Variants in FCRL5 observed in about 807,000 individuals in gnomAD.
FCRL5 encodes the protein Fc receptor-like protein 5.
A neutral mutation model predicts 92.1 loss-of-function variants in FCRL5; 79 were observed. That is an observed-to-expected ratio of 0.86 (90% CI 0.72 to 1.03). FCRL5 has a LOEUF of 1.03. FCRL5 is among the 50% of genes least tolerant of loss of function. The pLI, the probability that FCRL5 is intolerant of heterozygous loss-of-function variation, is 0.00. For synonymous variants in FCRL5, 466 were observed against 469.3 expected (o/e 0.99, Z 0.09); for missense variants, 1,160 against 1,181.1 (o/e 0.98, Z 0.26).
intron 7 of FCRL5, among the ~76,000 whole-genome samples, chr1:157,538,551 C>A (rs1228478984): frequency 6.6e-6 from 1 of 152,234 alleles, no homozygotes; most frequent in Non-Finnish European, 1.5e-5. Context: ...CCTCAGCCCA[C>A]TGCTGTCTGT....
chr1:157,541,347 G>A (rs1316283086), intron 6 of FCRL5, among the ~76,000 whole-genome samples: 2 of 152,170 alleles, frequency 1.3e-5, no homozygotes, highest in East Asian at 1.9e-4. Context: ...CTGTGCTGCT[G>A]GAGTGGTTTT....
At chr1:157,523,626 G>C (rs1242952021) in intron 10 of FCRL5, among the ~76,000 whole-genome samples, 1 of 152,236 alleles carries the variant, frequency 6.6e-6, no homozygotes, top group African/African-American at 2.4e-5. Flanking sequence ...ACTAGAAGCA[G>C]CTTTCCTTGG....
In FCRL5 at chr1:157,543,099, T is replaced by C. The variant is rs1651348962; in HGVS notation, c.883A>G (p.Lys295Glu). The C allele has an allele frequency of 6.2e-7, 1 of 1,614,036 alleles. No homozygotes were observed. Among genetic ancestry groups the C allele is most frequent in the African/African-American group, 1.3e-5 (1 of 74,928 alleles). ...SHPVLTLSPE[K>E]ALNFEGTKVT... is the part of the protein sequence containing the mutation. Reference sequence around the variant, plus strand: ...TTGGTTCCCTCAAAATTCAGAGCCTTTTCAGGGCTGAGAGTGAGGACAGGA... The same window carrying C: ...TTGGTTCCCTCAAAATTCAGAGCCTCTTCAGGGCTGAGAGTGAGGACAGGA... Residue 295 changes from lysine to glutamate, a missense_variant, in exon 6 of 17, where the codon AAG becomes GAG. Physicochemically the swap from Lys to Glu is moderately conservative, Grantham distance 56. Transcript: ENST00000361835.
chr1:157,551,693 A>G (rs933973616), intron 1 of FCRL5, among the ~76,000 whole-genome samples: 4 of 152,242 alleles, frequency 2.6e-5, no homozygotes, highest in African/African-American at 9.6e-5. Context: ...ATATTTAATT[A>G]TAATATTTAA....
chr1:157,515,417 A>C lies in FCRL5; in HGVS notation c.*258T>G. 1.7e-6 allele frequency: 1 copy of C among 577,910 alleles called. No homozygotes were observed. Among genetic ancestry groups the C allele is most frequent in the Non-Finnish European group, 3.0e-6 (1 of 335,380 alleles). The allele number at this position is 577,910 out of a possible 1,614,324, so 35.8% of individuals were successfully genotyped here. A position where few individuals can be genotyped will look rare whatever the true frequency, so the allele number is the denominator to read the frequency against. ...ACAGCTGAAGCCCACTAAGGAATCC[A>C]GGAGATGTGCTGGGCCCTGGAGTGG... On this transcript the variant is annotated 3_prime_UTR_variant, in exon 17 of 17. Coordinates refer to ENST00000361835, the MANE Select transcript of FCRL5 (RefSeq NM_031281.3).
intron 6 of FCRL5, chr1:157,541,692 TCTATC>T (rs1275767097): frequency 6.6e-6 from 1 of 152,274 alleles, no homozygotes; most frequent in Admixed American, 6.5e-5. Flanking sequence ...ACCAGGTGCT[TCTATC>T]CTCAGGTTGA....
intron 9 of FCRL5, among the ~76,000 whole-genome samples, chr1:157,525,220 A>G (rs1028019509): frequency 6.6e-6 from 1 of 152,232 alleles, no homozygotes; most frequent in African/African-American, 2.4e-5. Context: ...AGGACAGGGT[A>G]CTATGAAATG....
Position 157,520,558 on chromosome 1 carries a change from G to C in FCRL5, c.2516-11C>G. 2 of 1,577,500 alleles carry C rather than the reference G, an allele frequency of 1.3e-6. No individual in the cohort carries two copies. Among genetic ancestry groups the C allele is most frequent in the Non-Finnish European group, 1.7e-6 (2 of 1,160,160 alleles). On this transcript the variant is annotated splice_polypyrimidine_tract_variant and intron_variant, in intron 11 of 16. Transcript: ENST00000361835. Reference sequence around the variant, plus strand: ...TGTTCGCGGTCAGCCCTGAGGGGGAGACCCTGTGTGTGAGCCAGAGGAGAG... The same window carrying C: ...TGTTCGCGGTCAGCCCTGAGGGGGACACCCTGTGTGTGAGCCAGAGGAGAG...
At chr1:157,520,883 G>A (rs1484465558) in intron 11 of FCRL5, 134 bp downstream of exon 11, 1 of 1,066,376 alleles carries the variant, frequency 9.4e-7, no homozygotes, top group Non-Finnish European at 1.3e-6. Flanking sequence ...AGGAAATATA[G>A]CAGTTTAGAG....
At chr1:157,547,945 G>T (rs1401352069) in intron 2 of FCRL5, among the ~76,000 whole-genome samples, 2 of 152,166 alleles carry the variant, frequency 1.3e-5, no homozygotes, top group Non-Finnish European at 2.9e-5. Flanking sequence ...TTTTTGTAAG[G>T]ACCCAGTTAT....
chr1:157,534,772 T>C lies in FCRL5; in HGVS notation c.1523A>G (p.Tyr508Cys). The C allele has an allele frequency of 6.2e-7, 1 of 1,614,064 alleles. No individual in the cohort carries two copies. The change falls in exon 8 of 17, where the codon TAT (tyrosine) becomes TGT (cysteine). Residue 508 changes from tyrosine (Y) to cysteine (C), a missense_variant. Physicochemically the swap from Tyr to Cys is radical, Grantham distance 194 (BLOSUM62 -2). Transcript: ENST00000361835. ...RGSPQILYQF[Y>C]HEDMPLWSSS... ...GCTCCACAGGGGCATGTCCTCATGATAAAACTGGTATAGGATTTGTGGGGA... is the reference window on the plus strand; with the variant it reads ...GCTCCACAGGGGCATGTCCTCATGACAAAACTGGTATAGGATTTGTGGGGA...
intron 7 of FCRL5, among the ~76,000 whole-genome samples, chr1:157,538,108 AGT>A (rs1475361037): frequency 7.9e-5 from 12 of 152,142 alleles, no homozygotes; most frequent in Non-Finnish European, 8.8e-5. Context: ...AACATCTCTG[AGT>A]GTGTTTGATC....
intron 11 of FCRL5, 102 bp downstream of exon 11, chr1:157,520,915 G>A: frequency 3.0e-6 from 4 of 1,323,804 alleles, no homozygotes; most frequent in Non-Finnish European, 4.2e-6. Flanking sequence ...GTGTTACTTC[G>A]CCCTGAGGAG....
intron 2 of FCRL5, 60 bp from the exon 3 acceptor site, chr1:157,547,257 C>T: frequency 6.3e-7 from 1 of 1,598,452 alleles, no homozygotes; most frequent in East Asian, 2.2e-5. Flanking sequence ...AGCCTCAGGG[C>T]CTCCTGCTGC....
At chr1:157,524,238 T>A in intron 10 of FCRL5, 41 bp downstream of exon 10, 1 of 1,603,696 alleles carries the variant, frequency 6.2e-7, no homozygotes, top group Non-Finnish European at 8.5e-7. Context: ...ACAGGCACAG[T>A]CAGTTCTCAG....
intron 7 of FCRL5, among the ~76,000 whole-genome samples, chr1:157,536,582 A>G (rs1558135880): frequency 6.6e-6 from 1 of 152,254 alleles, no homozygotes; most frequent in Non-Finnish European, 1.5e-5. Flanking sequence ...CCTGCAGAAT[A>G]TGGCCCAAGC....
intron 8 of FCRL5, chr1:157,532,522 C>T (rs887453107): frequency 1.4e-5 from 2 of 147,486 alleles, no homozygotes; most frequent in Non-Finnish European, 2.9e-5. Flanking sequence ...ACTTCCTCTC[C>T]TTCCTCTAAC....
rs56801376 is a variant in FCRL5, at chr1:157,529,143, A to G, written c.1682-1248T>C. Reference sequence around the variant, plus strand: ...AAACAATCACATCAAAAAGTGGGCAAAGGACATGAATAGAATATTTTCAAA... The same window carrying G: ...AAACAATCACATCAAAAAGTGGGCAGAGGACATGAATAGAATATTTTCAAA... On this transcript the variant is annotated intron_variant, in intron 8 of 16. Coordinates refer to ENST00000361835, the MANE Select transcript of FCRL5 (RefSeq NM_031281.3). Among the ~76,000 whole-genome samples, 828 of 152,354 alleles carry G rather than the reference A, an allele frequency of 5.4e-3. 8 individuals carry two copies. The highest frequency in any genetic ancestry group is 0.018 in the African/African-American group (766 of 41,584).
rs755731649 is a variant in FCRL5 at position 157,521,288 on chromosome 1, C to T, written c.2244G>A (p.Pro748=). ...SEMVTLKVAV[P]VSRPVLTLRA... is the part of the protein sequence containing the mutation. ...TGAGGGTGAGGACCGGGCGAGACAC[C>T]GGAACTGAAAGAGAACAAAAAGTCA... The change falls in exon 11 of 17, where the codon CCG becomes CCA. Residue 748 remains proline, a synonymous_variant. Coordinates refer to ENST00000361835, the MANE Select transcript of FCRL5 (RefSeq NM_031281.3). 8 of 1,600,622 alleles carry T rather than the reference C, an allele frequency of 5.0e-6. No individual in the cohort carries two copies. The East Asian group carries it at 8.9e-5, about 18-fold the overall frequency.
Sources: gnomAD v4.1 joint callset for allele counts (sites outside exome capture counted in the v4.1 genomes callset) on GRCh38, gnomAD v4.1.1 for gene constraint, MANE v1.5 for transcripts, NCBI Gene and HGNC (gene_info 2026-07-23, HGNC 2026-07-21) for gene names.